SEMA6D: variants seen among roughly 807,000 people sequenced by gnomAD.
The protein encoded by SEMA6D is semaphorin-6D.
In SEMA6D, 35 loss-of-function variants were observed where a neutral mutation model predicts 106.6. The ratio of observed to expected loss-of-function variants is 0.33; its 90% CI spans 0.25 to 0.44. The LOEUF is 0.44. Among genes scored for constraint, SEMA6D ranks in the 20% least tolerant of loss-of-function variants. SEMA6D has a pLI of 1.00. For missense variants in SEMA6D, 1,185 were observed against 1,345.9 expected (o/e 0.88, Z 1.87); for synonymous variants, 499 against 487.7 (o/e 1.02, Z -0.31).
At chr15:47,366,741 C>T (rs1035599440) in intron 1 of SEMA6D, among the ~76,000 whole-genome samples, 3 of 152,090 alleles carry the variant, frequency 2.0e-5, no homozygotes, top group African/African-American at 7.2e-5. Flanking sequence ...TTATGGAGGG[C>T]AGAGATTCCT....
rs1196319549 is a variant in SEMA6D, at chr15:47,295,790, AG to A, written c.-239+111373del. 5.9e-5 allele frequency among the ~76,000 whole-genome samples: 9 copies of A among 152,348 alleles called. No homozygotes were observed. In the East Asian group the frequency reaches 1.5e-3, roughly 26 times the overall value. ...TTGGCCCCACAGTTAAAAGCCATTT[AG>A]TTGGGAGCCAAACCAAATGCCAGAA... On this transcript the variant is annotated intron_variant, in intron 1 of 19. Coordinates refer to the SEMA6D transcript ENST00000558014.
At chr15:47,506,462 G>A (rs2044039889) in intron 3 of SEMA6D, among the ~76,000 whole-genome samples, 1 of 152,090 alleles carries the variant, frequency 6.6e-6, no homozygotes, top group African/African-American at 2.4e-5. Context: ...AACTTGGCAG[G>A]ATACCAAAAT....
chr15:47,539,191 G>A (rs890612920), intron 3 of SEMA6D, among the ~76,000 whole-genome samples: 5 of 152,012 alleles, frequency 3.3e-5, no homozygotes, highest in Non-Finnish European at 4.4e-5. Flanking sequence ...TTCCTATATT[G>A]TGATGTGCTT....
chr15:47,359,044 A>G (rs138521764), intron 1 of SEMA6D, among the ~76,000 whole-genome samples: 22 of 152,126 alleles, frequency 1.4e-4, no homozygotes, highest in African/African-American at 4.3e-4. Flanking sequence ...GAAGTTGATC[A>G]TGTCATGCCC....
intron 1 of SEMA6D, among the ~76,000 whole-genome samples, chr15:47,219,708 AT>A (rs1411623153): frequency 6.6e-6 from 1 of 152,228 alleles, no homozygotes; most frequent in Non-Finnish European, 1.5e-5. Context: ...TCAATTAGCT[AT>A]TGCTACATAA....
intron 1 of SEMA6D, among the ~76,000 whole-genome samples, chr15:47,210,883 C>G (rs912232777): frequency 6.6e-6 from 1 of 150,720 alleles, no homozygotes; most frequent in African/African-American, 2.4e-5. Flanking sequence ...ATAACACATA[C>G]TATGGTTTTT....
intron 15 of SEMA6D, 129 bp from the exon 16 acceptor site, chr15:47,766,487 G>GT: frequency 2.6e-6 from 2 of 777,442 alleles, no homozygotes; most frequent in South Asian, 1.8e-5. Flanking sequence ...ATGTTAAAAT[G>GT]TTGTTTTTTT....
At position 47,761,502 on chromosome 15, in the gene SEMA6D, G is replaced by C. The variant is rs2082059484; in HGVS notation, c.447+71G>C. 11 of 1,354,202 alleles carry C rather than the reference G, an allele frequency of 8.1e-6. No homozygotes were observed. The East Asian group carries it at 2.6e-4, about 32-fold the overall frequency. 83.9% of individuals were successfully genotyped at this position (1,354,202 alleles called of 1,614,324 possible). A position where few individuals can be genotyped will look rare whatever the true frequency, so the allele number is the denominator to read the frequency against. On this transcript the variant is annotated intron_variant, in intron 6 of 18. Transcript: ENST00000536845. ...CCTTCACTGATATGCTGTTAGAGTTGAAATCTTTCTGCTTTCCAGTAATTT... is the reference window on the plus strand; with the variant it reads ...CCTTCACTGATATGCTGTTAGAGTTCAAATCTTTCTGCTTTCCAGTAATTT...
chr15:47,407,056 T>C (rs2040598801), intron 1 of SEMA6D, among the ~76,000 whole-genome samples: 1 of 151,694 alleles, frequency 6.6e-6, no homozygotes, highest in African/African-American at 2.4e-5. Context: ...TGGTGGAAAT[T>C]AAGTGAAAAT....
chr15:47,614,378 A>G (rs1357061505), intron 4 of SEMA6D, among the ~76,000 whole-genome samples: 1 of 152,212 alleles, frequency 6.6e-6, no homozygotes, highest in African/African-American at 2.4e-5. Flanking sequence ...AAATGGGTCA[A>G]CATTGCTGCT....
chr15:47,641,943 G>A (rs770600118), intron 4 of SEMA6D, among the ~76,000 whole-genome samples: 1 of 152,150 alleles, frequency 6.6e-6, no homozygotes, highest in Non-Finnish European at 1.5e-5. Flanking sequence ...TGTGTGTACT[G>A]TGCTTCACTT....
chr15:47,415,236 A>G (rs1168645402), intron 2 of SEMA6D, among the ~76,000 whole-genome samples: 10 of 152,214 alleles, frequency 6.6e-5, no homozygotes, highest in African/African-American at 2.4e-4. Flanking sequence ...CAATCATTAT[A>G]ACTTTCCCTG....
At chr15:47,683,177 C>T (rs998895326) in intron 4 of SEMA6D, among the ~76,000 whole-genome samples, 1 of 152,104 alleles carries the variant, frequency 6.6e-6, no homozygotes, top group African/African-American at 2.4e-5. Flanking sequence ...GAACATTATA[C>T]CCAAATGGTA....
rs2032030667 is a variant in SEMA6D, at chr15:47,229,398, TG to T, written c.-239+44985del. Among the ~76,000 whole-genome samples, 4 of 151,940 alleles carry T rather than the reference TG, an allele frequency of 2.6e-5. No individual in the cohort carries two copies. The South Asian group carries it at 8.3e-4, about 31-fold the overall frequency. ...GTCTCTCCATGTGGTCTTAAAAAAA[TG>T]GGGGATGCAGTTTATGGTCATGGAT... On this transcript the variant is annotated intron_variant, in intron 1 of 19. Coordinates refer to the SEMA6D transcript ENST00000558014.
intron 1 of SEMA6D, among the ~76,000 whole-genome samples, chr15:47,254,918 C>CGTGTGTGTGTGTGTGTGTGTGTGTGTGT (rs2033722919): frequency 2.3e-5 from 1 of 43,068 alleles, no homozygotes; most frequent in Non-Finnish European, 6.1e-5. Flanking sequence ...TGTGTGTGTC[C>CGTGTGTGTGTGTGTGTGTGTGTGTGTGT]TTGTCTAGTT....
intron 3 of SEMA6D, among the ~76,000 whole-genome samples, chr15:47,589,343 C>T (rs1207430981): frequency 2.0e-5 from 3 of 152,242 alleles, no homozygotes; most frequent in African/African-American, 7.2e-5. Flanking sequence ...CCATGCTTTG[C>T]ATGGTAAGGG....
At chr15:47,626,106 T>A (rs913988398) in intron 4 of SEMA6D, among the ~76,000 whole-genome samples, 2 of 152,008 alleles carry the variant, frequency 1.3e-5, no homozygotes, top group Admixed American at 6.6e-5. Context: ...GCAGGTAGAG[T>A]TGGAAGACTT....
At chr15:47,709,977 A>G (rs1023207347) in intron 4 of SEMA6D, among the ~76,000 whole-genome samples, 2 of 152,144 alleles carry the variant, frequency 1.3e-5, no homozygotes, top group Non-Finnish European at 2.9e-5. Context: ...AGACTGGGGT[A>G]GTTTTCTCAA....
chr15:47,288,375 G>A (rs879601891), intron 1 of SEMA6D, among the ~76,000 whole-genome samples: 5 of 152,346 alleles, frequency 3.3e-5, no homozygotes, highest in Non-Finnish European at 5.9e-5. Context: ...AACCTGGGCA[G>A]TGACTATAGT....
Sources: gnomAD v4.1 joint callset for allele counts (sites outside exome capture counted in the v4.1 genomes callset) on GRCh38, gnomAD v4.1.1 for gene constraint, MANE v1.5 for transcripts, NCBI Gene and HGNC (gene_info 2026-07-23, HGNC 2026-07-21) for gene names.